Variants in MAN2A1 observed in about 807,000 individuals in gnomAD.
MAN2A1 encodes mannosidase alpha class 2A member 1, also known as alpha-mannosidase 2.
In MAN2A1, 76 loss-of-function variants were observed where a neutral mutation model predicts 142.6. That is an observed-to-expected ratio of 0.53 (90% CI 0.44 to 0.65). MAN2A1 has a LOEUF of 0.65. MAN2A1 is among the 30% of genes least tolerant of loss of function. MAN2A1 has a pLI of 0.00. For missense variants in MAN2A1, 1,311 were observed against 1,365.1 expected, an observed-to-expected ratio of 0.96 and a Z score of 0.62; for synonymous variants, 559 against 473.2, an observed-to-expected ratio of 1.18 and a Z score of -2.35.
intron 16 of MAN2A1, among the ~76,000 whole-genome samples, chr5:109,839,593 C>T (rs1755145915): frequency 6.7e-6 from 1 of 148,160 alleles, no homozygotes; most frequent in Admixed American, 6.8e-5. Context: ...GGGAAGATTG[C>T]TTGAGCCCAG....
chr5:109,735,777 G>A lies in MAN2A1; in HGVS notation c.707+6264G>A, dbSNP rs148412323. Among the ~76,000 whole-genome samples, 15 of 151,150 alleles carry A rather than the reference G, an allele frequency of 9.9e-5. No homozygotes were observed. In the East Asian group the frequency reaches 2.5e-3, roughly 25 times the overall value. ...TTGTAATTAATTTGTTAAATTCTTCGTACTCCATCAAAAAAGTAATCTTTT... is the reference window on the plus strand; with the variant it reads ...TTGTAATTAATTTGTTAAATTCTTCATACTCCATCAAAAAAGTAATCTTTT... On this transcript the variant is annotated intron_variant, in intron 4 of 21. Transcript: ENST00000261483.
At chr5:109,734,251 C>G (rs1478591213) in intron 4 of MAN2A1, among the ~76,000 whole-genome samples, 1 of 149,634 alleles carries the variant, frequency 6.7e-6, no homozygotes, top group African/African-American at 2.5e-5. Flanking sequence ...ATTCTTCTCT[C>G]TTTTCTTCTT....
intron 16 of MAN2A1, among the ~76,000 whole-genome samples, chr5:109,825,879 T>G (rs1754742987): frequency 6.6e-6 from 1 of 150,920 alleles, no homozygotes; most frequent in Admixed American, 6.6e-5. Context: ...TATTCTTTAG[T>G]TTTCTTTCTT....
rs557963921 is a variant in MAN2A1, at chr5:109,754,232, T to A, written c.708-1097T>A. ...AGACCTTGCTTAAATTCTTGACTTT[T>A]ATGCTTCCTTGGGCACTATTTCAAA... On this transcript the variant is annotated intron_variant, in intron 4 of 21. Transcript: ENST00000261483. Among the ~76,000 whole-genome samples the A allele has an allele frequency of 3.9e-5, 6 of 152,308 alleles. No individual in the cohort carries two copies. In the South Asian group the frequency reaches 1.2e-3, roughly 32 times the overall value.
At chr5:109,847,905 T>C (rs189260853) in intron 19 of MAN2A1, 115 bp downstream of exon 19, 4 of 720,614 alleles carry the variant, frequency 5.6e-6, no homozygotes, top group Non-Finnish European at 8.0e-6. Context: ...TTGAGATTTC[T>C]TTATAGTAGA....
intron 4 of MAN2A1, among the ~76,000 whole-genome samples, chr5:109,737,277 A>G (rs1214418979): frequency 6.6e-6 from 1 of 151,728 alleles, no homozygotes; most frequent in East Asian, 1.9e-4. Flanking sequence ...TTTTTAGTAG[A>G]GACAGGGTTT....
At chr5:109,754,864 G>A (rs1752644779) in intron 4 of MAN2A1, among the ~76,000 whole-genome samples, 1 of 152,234 alleles carries the variant, frequency 6.6e-6, no homozygotes, top group Non-Finnish European at 1.5e-5. Flanking sequence ...AGCCAGGCAT[G>A]GTGGCGCATG....
chr5:109,723,737 C>G (rs555341169), intron 3 of MAN2A1, among the ~76,000 whole-genome samples: 3 of 152,070 alleles, frequency 2.0e-5, no homozygotes, highest in Non-Finnish European at 4.4e-5. Flanking sequence ...TATTTCTCAC[C>G]ATATTTGCAT....
chr5:109,708,888 G>A (rs923373416), intron 1 of MAN2A1, among the ~76,000 whole-genome samples: 1 of 152,122 alleles, frequency 6.6e-6, no homozygotes, highest in African/African-American at 2.4e-5. Context: ...CCAGTTGATT[G>A]GATGGTGACT....
intron 12 of MAN2A1, among the ~76,000 whole-genome samples, chr5:109,803,888 T>A (rs1337946578): frequency 3.9e-5 from 6 of 152,106 alleles, no homozygotes; most frequent in African/African-American, 1.4e-4. Context: ...GTATGAGTGA[T>A]TTTTAAAAAA....
intron 3 of MAN2A1, among the ~76,000 whole-genome samples, chr5:109,727,494 T>G (rs1751777777): frequency 6.6e-6 from 1 of 152,176 alleles, no homozygotes; most frequent in Non-Finnish European, 1.5e-5. Context: ...GTGGTGAGAC[T>G]TCAGCATATG....
chr5:109,800,543 A>G (rs1753994651), intron 12 of MAN2A1, among the ~76,000 whole-genome samples: 1 of 152,176 alleles, frequency 6.6e-6, no homozygotes, highest in East Asian at 1.9e-4. Context: ...AGCTTTGTTT[A>G]TCATGTGAAC....
intron 3 of MAN2A1, among the ~76,000 whole-genome samples, chr5:109,725,698 C>T (rs142408794): frequency 2.3e-3 from 357 of 152,314 alleles, no homozygotes; most frequent in Non-Finnish European, 4.2e-3. Flanking sequence ...CATGGTGGTA[C>T]TTAGTGTATA....
chr5:109,733,360 C>A (rs1751979057), intron 4 of MAN2A1, among the ~76,000 whole-genome samples: 1 of 152,150 alleles, frequency 6.6e-6, no homozygotes, highest in African/African-American at 2.4e-5. Context: ...TTATTTCCTT[C>A]TCCTGCCTAA....
Position 109,788,941 on chromosome 5 carries a change from C to T in MAN2A1, c.1768C>T (p.His590Tyr). 6.6e-7 allele frequency: 1 copy of T among 1,523,116 alleles called. No homozygotes were observed. The highest frequency in any genetic ancestry group is 9.1e-7 in the Non-Finnish European group (1 of 1,104,762). 94.4% of individuals were successfully genotyped at this position (1,523,116 alleles called of 1,614,324 possible). The change falls in exon 11 of 22, where the codon CAT becomes TAT. Residue 590 changes from histidine (H) to tyrosine (Y), a missense_variant. Physicochemically the swap from His to Tyr is moderately conservative, Grantham distance 83. Coordinates refer to ENST00000261483, the MANE Select transcript of MAN2A1 (RefSeq NM_002372.4). Reference sequence around the variant, plus strand: ...AAAATTTTTGATTTACAGACTTTTTCATTCGTTAATGGTTTTGGAGAAGAT... The same window carrying T: ...AAAATTTTTGATTTACAGACTTTTTTATTCGTTAATGGTTTTGGAGAAGAT... ...VVVDYGTRLFHSLMVLEKIIG... is the reference protein window; with the variant it reads ...VVVDYGTRLFYSLMVLEKIIG...
chr5:109,842,262 T>G, intron 16 of MAN2A1, 66 bp from the exon 17 acceptor site: 2 of 1,041,624 alleles, frequency 1.9e-6, no homozygotes, highest in Non-Finnish European at 2.8e-6. Context: ...TTCTGTATAG[T>G]ATATTTCAAA....
chr5:109,807,900 G>A (rs1467268787), intron 12 of MAN2A1, among the ~76,000 whole-genome samples: 4 of 151,976 alleles, frequency 2.6e-5, no homozygotes, highest in South Asian at 2.1e-4. Context: ...TATCTACTTC[G>A]CCGTCCTGCT....
intron 1 of MAN2A1, among the ~76,000 whole-genome samples, chr5:109,705,385 C>G (rs1751101425): frequency 6.6e-6 from 1 of 152,122 alleles, no homozygotes. Context: ...TCTGTCTTTT[C>G]TTAACTCCTT....
At chr5:109,842,774 A>G (rs967605101) in intron 17 of MAN2A1, among the ~76,000 whole-genome samples, 21 of 149,404 alleles carry the variant, frequency 1.4e-4, no homozygotes, top group Non-Finnish European at 2.7e-4. Context: ...GAAAGGAAAC[A>G]TAATTAGGGA....
Sources: gnomAD v4.1 joint callset for allele counts (sites outside exome capture counted in the v4.1 genomes callset) on GRCh38, gnomAD v4.1.1 for gene constraint, MANE v1.5 for transcripts, NCBI Gene and HGNC (gene_info 2026-07-23, HGNC 2026-07-21) for gene names.